PDE10A: variants seen among roughly 807,000 people sequenced by gnomAD.
PDE10A encodes the protein phosphodiesterase 10A, also known as cAMP and cAMP-inhibited cGMP 3',5'-cyclic phosphodiesterase 10A.
Under a neutral mutation model 97.7 loss-of-function variants are expected in PDE10A, and 39 were observed. The ratio of observed to expected loss-of-function variants is 0.40; its 90% CI spans 0.31 to 0.52. The LOEUF (loss-of-function observed/expected upper bound fraction) is 0.52, where lower values mean the gene tolerates loss of function less well. PDE10A is among the 20% of genes least tolerant of loss of function. The pLI is 0.56. For missense variants in PDE10A, 731 were observed against 1,047.8 expected (o/e 0.70, Z 4.17); for synonymous variants, 371 against 376.8 (o/e 0.98, Z 0.18).
intron 1 of PDE10A, among the ~76,000 whole-genome samples, chr6:165,964,689 G>A (rs893339205): frequency 3.3e-5 from 5 of 152,186 alleles, no homozygotes; most frequent in Admixed American, 3.3e-4. Flanking sequence ...GCCCAATTTA[G>A]AAGGAGATGG....
rs894525673 is a variant in PDE10A, at chr6:165,600,400, A to G, written c.866-56832T>C. On this transcript the variant is annotated intron_variant, in intron 1 of 21. Coordinates refer to ENST00000539869, the MANE Select transcript of PDE10A (RefSeq NM_001385079.1). ...AAGCTCAGAGTTCCAACTGAACCCA[A>G]TGAGAAAGTGGGTTGTCTTTTGAGG... Among the ~76,000 whole-genome samples, 16 of 152,348 alleles carry G rather than the reference A, an allele frequency of 1.1e-4. No homozygotes were observed. The East Asian group carries it at 1.5e-3, about 15-fold the overall frequency.
chr6:165,673,157 C>A (rs900243077), intron 1 of PDE10A, among the ~76,000 whole-genome samples: 1 of 152,132 alleles, frequency 6.6e-6, no homozygotes, highest in African/African-American at 2.4e-5. Context: ...AAAATAAAAT[C>A]AGTGAAAATT....
intron 1 of PDE10A, among the ~76,000 whole-genome samples, chr6:165,652,206 T>C (rs1039909036): frequency 6.6e-6 from 1 of 152,306 alleles, no homozygotes; most frequent in Non-Finnish European, 1.5e-5. Flanking sequence ...ACCAATACAA[T>C]ATGTAATTAG....
intron 13 of PDE10A, among the ~76,000 whole-genome samples, chr6:165,406,260 G>GTGTGTGTGTGTGTGTT (rs1562431563): frequency 6.7e-5 from 10 of 150,152 alleles, no homozygotes; most frequent in African/African-American, 2.2e-4. Context: ...GTGTGTGTGT[G>GTGTGTGTGTGTGTGTT]TTTCTGTGTG....
intron 1 of PDE10A, among the ~76,000 whole-genome samples, chr6:165,729,343 A>G (rs751822458): frequency 2.0e-4 from 30 of 152,202 alleles, no homozygotes; most frequent in Non-Finnish European, 3.5e-4. Flanking sequence ...TTAAATATAT[A>G]AACAGATTAA....
At chr6:165,837,060 G>A in intron 1 of PDE10A, among the ~76,000 whole-genome samples, 1 of 108,170 alleles carries the variant, frequency 9.2e-6, no homozygotes, top group Non-Finnish European at 1.8e-5. Context: ...GGGGTGGGGG[G>A]AGGGGGGAGG....
intron 3 of PDE10A, among the ~76,000 whole-genome samples, chr6:165,455,916 T>G (rs1370812502): frequency 6.6e-6 from 1 of 152,256 alleles, no homozygotes; most frequent in African/African-American, 2.4e-5. Flanking sequence ...CCCAAGTACC[T>G]GTTGATAGGT....
intron 1 of PDE10A, among the ~76,000 whole-genome samples, chr6:165,746,476 G>A (rs1033169321): frequency 2.0e-5 from 3 of 152,236 alleles, no homozygotes; most frequent in Non-Finnish European, 4.4e-5. Context: ...CAGCCATGAA[G>A]CAGCTTTCTC....
At chr6:165,382,016 T>C (rs938627801) in intron 17 of PDE10A, among the ~76,000 whole-genome samples, 6 of 152,158 alleles carry the variant, frequency 3.9e-5, no homozygotes, top group Admixed American at 3.3e-4. Context: ...TTCAAGCTAG[T>C]TGATTCCATT....
chr6:165,726,065 A>C (rs2128449675), intron 1 of PDE10A, among the ~76,000 whole-genome samples: 1 of 152,320 alleles, frequency 6.6e-6, no homozygotes, highest in East Asian at 1.9e-4. Context: ...CACTTGATTT[A>C]ATATAGACAA....
chr6:165,987,913 C>T (rs1312395553), exon 1 of PDE10A: 1 of 372,470 alleles, frequency 2.7e-6, no homozygotes, highest in East Asian at 7.3e-5. Context: ...GCTCAAGCTC[C>T]CAGCAGCAGC....
At chr6:165,878,653 G>A (rs1250278889) in intron 1 of PDE10A, among the ~76,000 whole-genome samples, 1 of 152,196 alleles carries the variant, frequency 6.6e-6, no homozygotes. Context: ...TTCAGAACCT[G>A]TGAATATGGA....
At chr6:165,689,462 G>C (rs1020692899) in intron 1 of PDE10A, among the ~76,000 whole-genome samples, 1 of 152,180 alleles carries the variant, frequency 6.6e-6, no homozygotes, top group Non-Finnish European at 1.5e-5. Flanking sequence ...AGTGTTGAAG[G>C]TGGGGCCTAA....
At chr6:165,761,263 T>C (rs1319195307) in intron 1 of PDE10A, among the ~76,000 whole-genome samples, 1 of 152,248 alleles carries the variant, frequency 6.6e-6, no homozygotes, top group African/African-American at 2.4e-5. Context: ...GAGAAAGTTC[T>C]ACAACAAAAC....
intron 1 of PDE10A, among the ~76,000 whole-genome samples, chr6:165,642,896 G>T (rs1170120227): frequency 6.6e-6 from 1 of 150,580 alleles, no homozygotes; most frequent in Non-Finnish European, 1.5e-5. Flanking sequence ...TGTGAATGAT[G>T]TATGTTCTCA....
intron 2 of PDE10A, among the ~76,000 whole-genome samples, chr6:165,523,528 C>G (rs1484996162): frequency 6.6e-6 from 1 of 152,066 alleles, no homozygotes; most frequent in African/African-American, 2.4e-5. Flanking sequence ...AAAGGACTCC[C>G]TATTCAATAA....
chr6:165,750,571 C>T (rs923548395), intron 1 of PDE10A, among the ~76,000 whole-genome samples: 6 of 152,184 alleles, frequency 3.9e-5, no homozygotes, highest in Admixed American at 1.3e-4. Context: ...TGATTTCAAT[C>T]GCCTCGTGAG....
At chr6:165,519,992 G>A (rs906951029) in intron 2 of PDE10A, among the ~76,000 whole-genome samples, 5 of 152,110 alleles carry the variant, frequency 3.3e-5, no homozygotes, top group Non-Finnish European at 7.4e-5. Flanking sequence ...TAAGTGGAAA[G>A]GAACTCAGTG....
intron 1 of PDE10A, among the ~76,000 whole-genome samples, chr6:165,659,286 A>G (rs1038924387): frequency 1.3e-5 from 2 of 152,362 alleles, no homozygotes; most frequent in East Asian, 3.9e-4. Context: ...GAAAGAAAAA[A>G]AAAAGGAATG....
Sources: allele counts gnomAD v4.1 joint callset (sites outside exome capture counted in the v4.1 genomes callset), GRCh38; gene constraint gnomAD v4.1.1; transcripts MANE v1.5; gene names NCBI Gene and HGNC (gene_info 2026-07-23, HGNC 2026-07-21).